The following OTOGL variants were observed in gnomAD, a reference collection of about 807,000 sequenced individuals.
OTOGL encodes the protein otogelin like.
A neutral mutation model predicts 318.5 loss-of-function variants in OTOGL; 285 were observed. The observed-to-expected ratio is 0.89, with a 90% confidence interval of 0.81 to 0.99. The LOEUF is 0.99. Among genes scored for constraint, OTOGL ranks in the 50% least tolerant of loss-of-function variants. The pLI, the probability that OTOGL is intolerant of heterozygous loss-of-function variation, is 0.00. For synonymous variants in OTOGL, 987 were observed against 936.5 expected (o/e 1.05, Z -0.99); for missense variants, 2,899 against 2,845.6 (o/e 1.02, Z -0.43).
intron 1 of OTOGL, among the ~76,000 whole-genome samples, chr12:80,106,517 C>T (rs772421924): frequency 2.6e-5 from 4 of 152,030 alleles, no homozygotes; most frequent in Non-Finnish European, 4.4e-5. Flanking sequence ...TGTTCTTCTC[C>T]ATATGTTTCC....
At chr12:80,203,398 C>A (rs1876592695) in intron 1 of OTOGL, among the ~76,000 whole-genome samples, 1 of 151,978 alleles carries the variant, frequency 6.6e-6, no homozygotes, top group African/African-American at 2.4e-5. Context: ...ATCTCCCCAT[C>A]TTGAAATCCT....
chr12:80,156,562 G>C (rs1166837595), intron 1 of OTOGL, among the ~76,000 whole-genome samples: 1 of 152,098 alleles, frequency 6.6e-6, no homozygotes, highest in Non-Finnish European at 1.5e-5. Context: ...GACCCGGTGG[G>C]AGATAATTGA....
intron 1 of OTOGL, among the ~76,000 whole-genome samples, chr12:80,171,767 T>C (rs1229967931): frequency 6.6e-6 from 1 of 152,202 alleles, no homozygotes; most frequent in Non-Finnish European, 1.5e-5. Context: ...TTGTTAACAA[T>C]ATTCAGTTTC....
intron 27 of OTOGL, among the ~76,000 whole-genome samples, chr12:80,300,470 G>A (rs1565965404): frequency 6.6e-6 from 1 of 152,112 alleles, no homozygotes; most frequent in African/African-American, 2.4e-5. Flanking sequence ...GTGAGCCAAG[G>A]CTTCAAGGCC....
At chr12:80,273,683 T>C (rs1349829620) in intron 24 of OTOGL, among the ~76,000 whole-genome samples, 1 of 152,052 alleles carries the variant, frequency 6.6e-6, no homozygotes, top group Non-Finnish European at 1.5e-5. Context: ...GCATACTTTG[T>C]TTCATTGTGT....
chr12:80,278,953 C>A (rs1484255781), intron 25 of OTOGL, 75 bp from the exon 26 acceptor site: 37 of 1,493,052 alleles, frequency 2.5e-5, no homozygotes, highest in Non-Finnish European at 3.1e-5. Flanking sequence ...TACAGACATT[C>A]CAATGTTGCT....
At chr12:80,193,313 C>T (rs1411788993) in intron 1 of OTOGL, among the ~76,000 whole-genome samples, 1 of 152,046 alleles carries the variant, frequency 6.6e-6, no homozygotes, top group Non-Finnish European at 1.5e-5. Context: ...GTCAGGAGTT[C>T]GAGACCAGTC....
At chr12:80,114,104 C>T (rs1870013978) in intron 1 of OTOGL, among the ~76,000 whole-genome samples, 1 of 151,960 alleles carries the variant, frequency 6.6e-6, no homozygotes, top group African/African-American at 2.4e-5. Flanking sequence ...GGGAATTTAC[C>T]CATTTACCTT....
chr12:80,268,886 T>A (rs1404991797), intron 22 of OTOGL, among the ~76,000 whole-genome samples: 8 of 148,984 alleles, frequency 5.4e-5, no homozygotes, highest in African/African-American at 2.0e-4. Flanking sequence ...ACATGATTAA[T>A]GTATGTAAAC....
intron 1 of OTOGL, among the ~76,000 whole-genome samples, chr12:80,146,556 A>G (rs796568043): frequency 4.7e-5 from 7 of 149,082 alleles, no homozygotes; most frequent in South Asian, 4.2e-4. Flanking sequence ...TTGGTATCAG[A>G]ATGATGCTGG....
chr12:80,337,357 A>T (rs1428929187), intron 42 of OTOGL, among the ~76,000 whole-genome samples: 1 of 152,066 alleles, frequency 6.6e-6, no homozygotes, highest in Non-Finnish European at 1.5e-5. Flanking sequence ...TGATGTGGAA[A>T]AGCATAGTAG....
chr12:80,159,697 T>C (rs988936192), intron 1 of OTOGL, among the ~76,000 whole-genome samples: 1 of 152,040 alleles, frequency 6.6e-6, no homozygotes, highest in African/African-American at 2.4e-5. Context: ...ACAAATTCAA[T>C]GCAATTTCCA....
At chr12:80,351,454 T>G (rs1391370176) in intron 44 of OTOGL, among the ~76,000 whole-genome samples, 1 of 152,144 alleles carries the variant, frequency 6.6e-6, no homozygotes, top group Non-Finnish European at 1.5e-5. Flanking sequence ...TAGCTGGGAT[T>G]ACAGGCACGC....
At position 80,149,378 on chromosome 12, in the gene OTOGL, CCAGGGGT is replaced by C. The variant is rs1258627605; in HGVS notation, c.-20+49786_-20+49792del. 1.5e-4 allele frequency among the ~76,000 whole-genome samples: 23 copies of C among 152,146 alleles called. No homozygotes were observed. The East Asian group carries it at 4.3e-3, about 28-fold the overall frequency. On this transcript the variant is annotated intron_variant, in intron 1 of 58. Transcript: ENST00000547103. ...AGTTAGGCTGCTCGGGGGTCGGGGG[CCAGGGGT>C]CAGGGGTCAGGGACCCACTTGAGGA...
chr12:80,147,125 T>C (rs1872435410), intron 1 of OTOGL, among the ~76,000 whole-genome samples: 1 of 152,096 alleles, frequency 6.6e-6, no homozygotes, highest in Non-Finnish European at 1.5e-5. Context: ...CTTGCTTTTC[T>C]AGTTGTTTTA....
intron 1 of OTOGL, among the ~76,000 whole-genome samples, chr12:80,140,860 C>T (rs140318879): frequency 1.5e-3 from 230 of 152,170 alleles, no homozygotes; most frequent in Non-Finnish European, 1.8e-3. Context: ...TAAATATATA[C>T]GGACATCAGT....
At chr12:80,223,176 T>G (rs1035010404) in intron 7 of OTOGL, among the ~76,000 whole-genome samples, 2 of 152,102 alleles carry the variant, frequency 1.3e-5, no homozygotes, top group African/African-American at 4.8e-5. Context: ...AGGCTAATGC[T>G]TTCCAATTCC....
intron 24 of OTOGL, among the ~76,000 whole-genome samples, chr12:80,272,248 G>T (rs540395963): frequency 1.3e-5 from 2 of 152,018 alleles, no homozygotes; most frequent in Non-Finnish European, 2.9e-5. Context: ...GGGAGCTCTG[G>T]CATCAGACAC....
In OTOGL at chr12:80,358,286, G is replaced by A. The variant is rs377192610; in HGVS notation, c.6058G>A (p.Asp2020Asn). The change falls in exon 50 of 59, where the codon GAT (aspartate) becomes AAT (asparagine). Residue 2020 changes from aspartate (D) to asparagine (N), a missense_variant. Asp to Asn is a conservative substitution (Grantham distance 23). Coordinates refer to ENST00000547103, the MANE Select transcript of OTOGL (RefSeq NM_001378609.3). Reference sequence around the variant, plus strand: ...CACCAAACCTGTTCCACTATGTCATGATGGGGAATTTCTCACAGTAGATCT... The same window carrying A: ...CACCAAACCTGTTCCACTATGTCATAATGGGGAATTTCTCACAGTAGATCT... ...SCTKPVPLCH[D>N]GEFLTVDLNS... 6.2e-6 allele frequency: 10 copies of A among 1,612,160 alleles called. No homozygotes were observed. The highest frequency in any genetic ancestry group is 3.3e-5 in the Admixed American group (2 of 59,828).
Sources: gnomAD v4.1 joint callset for allele counts (sites outside exome capture counted in the v4.1 genomes callset) on GRCh38, gnomAD v4.1.1 for gene constraint, MANE v1.5 for transcripts, NCBI Gene and HGNC (gene_info 2026-07-23, HGNC 2026-07-21) for gene names.